RCOR1: variants seen among roughly 807,000 people sequenced by gnomAD.
RCOR1 encodes REST corepressor 1.
In RCOR1, 12 loss-of-function variants were observed where a neutral mutation model predicts 64.0. That is an observed-to-expected ratio of 0.19 (90% CI 0.12 to 0.30). The LOEUF (loss-of-function observed/expected upper bound fraction) is 0.30, where lower values mean the gene tolerates loss of function less well. RCOR1 is among the 10% of genes least tolerant of loss of function. RCOR1 has a pLI of 1.00. For missense variants in RCOR1, 502 were observed against 621.2 expected, an observed-to-expected ratio of 0.81 and a Z score of 2.04; for synonymous variants, 279 against 227.2, an observed-to-expected ratio of 1.23 and a Z score of -2.05.
intron 10 of RCOR1, chr14:102,721,598 C>G (rs1233693462): frequency 2.8e-6 from 1 of 358,654 alleles, no homozygotes; most frequent in Non-Finnish European, 5.0e-6. Context: ...AGCTTAGGAG[C>G]ATTGGTAGAT....
intron 5 of RCOR1, 83 bp downstream of exon 5, chr14:102,707,595 A>G (rs1895881100): frequency 8.9e-7 from 1 of 1,125,060 alleles, no homozygotes; most frequent in South Asian, 1.6e-5. Flanking sequence ...GGGATATCAT[A>G]CTCAAACATA....
intron 11 of RCOR1, among the ~76,000 whole-genome samples, chr14:102,725,115 A>G (rs555308494): frequency 1.3e-5 from 2 of 152,290 alleles, no homozygotes; most frequent in African/African-American, 4.8e-5. Flanking sequence ...GTCATATCCA[A>G]CCTTACACTG....
intron 2 of RCOR1, among the ~76,000 whole-genome samples, chr14:102,648,228 G>A (rs1221126959): frequency 6.6e-6 from 1 of 152,064 alleles, no homozygotes; most frequent in Non-Finnish European, 1.5e-5. Flanking sequence ...ACAGGCATGC[G>A]CCACCACACC....
At chr14:102,704,981 C>T (rs1032037267) in intron 4 of RCOR1, among the ~76,000 whole-genome samples, 2 of 152,030 alleles carry the variant, frequency 1.3e-5, no homozygotes, top group African/African-American at 4.8e-5. Flanking sequence ...TAAAAATTAG[C>T]CAAACATGGT....
At chr14:102,626,767 G>C (rs926839632) in intron 2 of RCOR1, among the ~76,000 whole-genome samples, 1 of 152,220 alleles carries the variant, frequency 6.6e-6, no homozygotes, top group Non-Finnish European at 1.5e-5. Flanking sequence ...GATCCTCCCA[G>C]ATTGCAGGAT....
chr14:102,645,200 T>C (rs1894456264), intron 2 of RCOR1, among the ~76,000 whole-genome samples: 1 of 152,156 alleles, frequency 6.6e-6, no homozygotes, highest in Non-Finnish European at 1.5e-5. Flanking sequence ...AGAAGCCCTG[T>C]TGTTTGATGG....
rs1202517739 is a variant in RCOR1, at chr14:102,592,679, G to A, written c.-208G>A. The A allele has an allele frequency of 8.1e-5, 99 of 1,228,424 alleles. No individual in the cohort carries two copies. The highest frequency in any genetic ancestry group is 9.6e-5 in the Non-Finnish European group (95 of 985,958). 76.1% of individuals were successfully genotyped at this position (1,228,424 alleles called of 1,614,324 possible). On this transcript the variant is annotated 5_prime_UTR_variant, in exon 1 of 12. Transcript: ENST00000262241. ...CAGTGAAGTGAGGGCGGCGATGAGA[G>A]CGAAAGTTGCGCTCGGCTCGTCGCT...
intron 5 of RCOR1, 120 bp downstream of exon 5, chr14:102,707,632 C>T (rs1895881646): frequency 1.1e-6 from 1 of 885,974 alleles, no homozygotes; most frequent in African/African-American, 1.7e-5. Flanking sequence ...ATAAAGTTCC[C>T]CTTTAGATTC....
rs547779527 is a variant in RCOR1 at position 102,706,975 on chromosome 14, C to T, written c.499-376C>T. Among the ~76,000 whole-genome samples, 19 of 151,982 alleles carry T rather than the reference C, an allele frequency of 1.3e-4. 1 individual carries two copies. Among genetic ancestry groups the T allele is most frequent in the African/African-American group, 4.6e-4 (19 of 41,444 alleles). On this transcript the variant is annotated intron_variant, in intron 4 of 11. Coordinates refer to ENST00000262241, the MANE Select transcript of RCOR1 (RefSeq NM_015156.4). Reference sequence around the variant, plus strand: ...GTTGCTGTACCTAACAAGTTATCACCATCCTGAATTGTATACTTATCATTT... The same window carrying T: ...GTTGCTGTACCTAACAAGTTATCACTATCCTGAATTGTATACTTATCATTT...
intron 2 of RCOR1, among the ~76,000 whole-genome samples, chr14:102,605,748 G>A (rs188528351): frequency 6.6e-6 from 1 of 152,212 alleles, no homozygotes; most frequent in African/African-American, 2.4e-5. Context: ...AACAGCCTCA[G>A]GCAGGTCCTT....
At chr14:102,593,712 T>A (rs555146312) in intron 2 of RCOR1, among the ~76,000 whole-genome samples, 4 of 152,242 alleles carry the variant, frequency 2.6e-5, no homozygotes, top group African/African-American at 9.6e-5. Context: ...GCCCCGGACT[T>A]AGGAGGTCCC....
intron 2 of RCOR1, among the ~76,000 whole-genome samples, chr14:102,617,826 G>A (rs912761114): frequency 8.6e-5 from 13 of 151,868 alleles, no homozygotes. Context: ...CTGACCTTGT[G>A]ATCTGCCTGC....
intron 2 of RCOR1, among the ~76,000 whole-genome samples, chr14:102,639,686 A>G (rs1376066692): frequency 1.3e-5 from 2 of 150,248 alleles, no homozygotes; most frequent in Non-Finnish European, 1.5e-5. Context: ...GGCACCTGCC[A>G]TTATGCCTGG....
At chr14:102,638,254 A>G (rs1217929478) in intron 2 of RCOR1, among the ~76,000 whole-genome samples, 1 of 152,210 alleles carries the variant, frequency 6.6e-6, no homozygotes, top group Non-Finnish European at 1.5e-5. Context: ...ACCAGATGGG[A>G]GCAGATTTAA....
intron 2 of RCOR1, among the ~76,000 whole-genome samples, chr14:102,597,217 A>G (rs1893272776): frequency 2.0e-5 from 3 of 151,758 alleles, no homozygotes; most frequent in Admixed American, 2.0e-4. Context: ...CTTTTACTAG[A>G]ATTTGAACAG....
intron 3 of RCOR1, among the ~76,000 whole-genome samples, chr14:102,686,555 G>A (rs1009585120): frequency 3.9e-5 from 6 of 152,160 alleles, no homozygotes; most frequent in Non-Finnish European, 8.8e-5. Context: ...AGTTATCATC[G>A]TTTCACTGGT....
chr14:102,717,022 T>G (rs1409490002), intron 8 of RCOR1, among the ~76,000 whole-genome samples: 5 of 152,352 alleles, frequency 3.3e-5, no homozygotes, highest in Non-Finnish European at 5.9e-5. Flanking sequence ...TGTAAGAACT[T>G]AACGCATCTT....
chr14:102,612,822 C>T (rs1266537719), intron 2 of RCOR1, among the ~76,000 whole-genome samples: 1 of 151,706 alleles, frequency 6.6e-6, no homozygotes, highest in African/African-American at 2.4e-5. Flanking sequence ...GACCTTGTCT[C>T]TACGTGCACC....
At chr14:102,609,882 G>C (rs1595193066) in intron 2 of RCOR1, among the ~76,000 whole-genome samples, 1 of 151,060 alleles carries the variant, frequency 6.6e-6, no homozygotes, top group Middle Eastern at 3.4e-3. Context: ...GCTCACCCCT[G>C]TAATCCCAGC....
Sources: allele counts gnomAD v4.1 joint callset (sites outside exome capture counted in the v4.1 genomes callset), GRCh38; gene constraint gnomAD v4.1.1; transcripts MANE v1.5; gene names NCBI Gene and HGNC (gene_info 2026-07-23, HGNC 2026-07-21).